Variants in VAMP4 observed in about 807,000 individuals in gnomAD.
VAMP4 encodes the protein vesicle associated membrane protein 4.
VAMP4 carries 19 observed loss-of-function variants against 23.5 expected under a neutral mutation model. That is an observed-to-expected ratio of 0.81 (90% CI 0.56 to 1.19). The LOEUF (loss-of-function observed/expected upper bound fraction) is 1.19. VAMP4 is among the 50% of genes most tolerant of loss of function. VAMP4 has a pLI of 0.00. For missense variants in VAMP4, 145 were observed against 168.6 expected (o/e 0.86, Z 0.78); for synonymous variants, 31 against 51.0 (o/e 0.61, Z 1.67).
chr1:171,733,283 C>G (rs1302731296), intron 2 of VAMP4, among the ~76,000 whole-genome samples: 1 of 124,140 alleles, frequency 8.1e-6, no homozygotes, highest in Admixed American at 8.6e-5. Flanking sequence ...TACGGTGAAA[C>G]CCCATCTCTA....
rs572736532 is a variant in VAMP4, at chr1:171,735,686, T to G, written c.66+2663A>C. 3.9e-5 allele frequency among the ~76,000 whole-genome samples: 6 copies of G among 152,314 alleles called. No homozygotes were observed. The South Asian group carries it at 1.2e-3, about 32-fold the overall frequency. The stretch of plus-strand genomic sequence containing the variant: ...TTCTAACCGATGATTTAAAAAATAT[T>G]TCAGCATGCTTTGTGCACGCTGATC... On this transcript the variant is annotated intron_variant, in intron 2 of 7. Transcript: ENST00000236192.
At chr1:171,706,635 G>A (rs908711142) in intron 6 of VAMP4, among the ~76,000 whole-genome samples, 1 of 152,012 alleles carries the variant, frequency 6.6e-6, no homozygotes, top group Admixed American at 6.6e-5. Flanking sequence ...AGATAAAAAT[G>A]CAAAGAAGAA....
chr1:171,713,422 A>C (rs1654918446), intron 4 of VAMP4, among the ~76,000 whole-genome samples: 1 of 152,146 alleles, frequency 6.6e-6, no homozygotes, highest in Non-Finnish European at 1.5e-5. Flanking sequence ...ATATTAATAT[A>C]TGTATACTAT....
intron 3 of VAMP4, among the ~76,000 whole-genome samples, chr1:171,725,610 C>T (rs1321220051): frequency 1.3e-5 from 2 of 152,112 alleles, no homozygotes; most frequent in Non-Finnish European, 1.5e-5. Context: ...TGACATTCTG[C>T]CAAAAATGAT....
chr1:171,730,188 GTTGTT>G (rs1558113747), intron 2 of VAMP4, among the ~76,000 whole-genome samples: 1 of 152,180 alleles, frequency 6.6e-6, no homozygotes, highest in Non-Finnish European at 1.5e-5. Context: ...ATAAATTTGT[GTTGTT>G]TTAAGTGTGT....
intron 6 of VAMP4, among the ~76,000 whole-genome samples, chr1:171,707,890 C>G (rs1171196452): frequency 6.6e-6 from 1 of 151,992 alleles, no homozygotes; most frequent in Admixed American, 6.6e-5. Flanking sequence ...ACATTATGAC[C>G]ATCTTTTTGT....
chr1:171,708,735 G>A, intron 6 of VAMP4, among the ~76,000 whole-genome samples: 1 of 151,454 alleles, frequency 6.6e-6, no homozygotes. Context: ...AATTAGCTGG[G>A]CATGGTGGCA....
At chr1:171,736,453 G>A (rs150148738) in intron 2 of VAMP4, among the ~76,000 whole-genome samples, 5 of 152,176 alleles carry the variant, frequency 3.3e-5, no homozygotes, top group African/African-American at 1.2e-4. Context: ...GACACTAAGA[G>A]TTTCACCATG....
At chr1:171,716,144 T>C (rs1317664133) in intron 4 of VAMP4, among the ~76,000 whole-genome samples, 3 of 152,214 alleles carry the variant, frequency 2.0e-5, no homozygotes, top group African/African-American at 7.2e-5. Flanking sequence ...ATATTGCTGT[T>C]ACACCATGGA....
chr1:171,720,083 T>G (rs756037346), intron 3 of VAMP4, among the ~76,000 whole-genome samples: 1 of 151,782 alleles, frequency 6.6e-6, no homozygotes, highest in Non-Finnish European at 1.5e-5. Flanking sequence ...TGTGAATATA[T>G]CATCTTGCCT....
At chr1:171,708,835 C>T (rs1427959669) in intron 6 of VAMP4, among the ~76,000 whole-genome samples, 2 of 142,252 alleles carry the variant, frequency 1.4e-5, no homozygotes, top group Non-Finnish European at 3.0e-5. Context: ...TGTGGTGAGC[C>T]GAGATCAGCC....
chr1:171,711,025 T>C (rs1311879228), intron 4 of VAMP4, among the ~76,000 whole-genome samples: 5 of 152,140 alleles, frequency 3.3e-5, no homozygotes, highest in Admixed American at 3.3e-4. Context: ...TAAAGTAATA[T>C]TTAAAGATAG....
At chr1:171,739,040 T>C (rs1303545988) in intron 1 of VAMP4, among the ~76,000 whole-genome samples, 2 of 152,260 alleles carry the variant, frequency 1.3e-5, no homozygotes, top group African/African-American at 2.4e-5. Context: ...CATTTGGTCT[T>C]AATCCCCATT....
chr1:171,710,832 C>T lies in VAMP4; in HGVS notation c.165-18G>A, dbSNP rs374381748. 10 of 1,536,990 alleles carry T rather than the reference C, an allele frequency of 6.5e-6. No individual in the cohort carries two copies. The highest frequency in any genetic ancestry group is 8.9e-6 in the Non-Finnish European group (10 of 1,124,682). On this transcript the variant is annotated intron_variant, in intron 4 of 7. Coordinates refer to ENST00000236192, the MANE Select transcript of VAMP4 (RefSeq NM_003762.5). ...TCTGAACACTAGTTTAAAAAAGATACACAATTATTTATCCTTCTTTTGAGA... is the reference window on the plus strand; with the variant it reads ...TCTGAACACTAGTTTAAAAAAGATATACAATTATTTATCCTTCTTTTGAGA...
chr1:171,714,498 G>A (rs1415435816), intron 4 of VAMP4, among the ~76,000 whole-genome samples: 1 of 152,330 alleles, frequency 6.6e-6, no homozygotes, highest in East Asian at 1.9e-4. Flanking sequence ...ATGGCTAGGT[G>A]TGGTGGCTCA....
Position 171,739,747 on chromosome 1 carries a change from G to T in VAMP4, c.-49-1284C>A, listed in dbSNP as rs79393336. ...GCTTGTGAGGAGAAATCTTTTGGGGGTCTGTGTTGAGAGAGAATAGGAGAA... is the reference window on the plus strand; with the variant it reads ...GCTTGTGAGGAGAAATCTTTTGGGGTTCTGTGTTGAGAGAGAATAGGAGAA... On this transcript the variant is annotated intron_variant, in intron 1 of 7. Coordinates refer to ENST00000236192, the MANE Select transcript of VAMP4 (RefSeq NM_003762.5). Among the ~76,000 whole-genome samples the T allele has an allele frequency of 3.5e-4, 54 of 152,294 alleles. No homozygotes were observed. In the East Asian group the frequency reaches 8.1e-3, roughly 23 times the overall value.
intron 7 of VAMP4, among the ~76,000 whole-genome samples, chr1:171,705,570 G>A (rs374398791): frequency 9.0e-4 from 137 of 152,242 alleles, no homozygotes; most frequent in African/African-American, 3.2e-3. Flanking sequence ...GACTGTGAAA[G>A]CACCATGAGT....
chr1:171,730,431 C>T (rs1558113827), intron 2 of VAMP4, among the ~76,000 whole-genome samples: 2 of 152,028 alleles, frequency 1.3e-5, no homozygotes, highest in Non-Finnish European at 2.9e-5. Flanking sequence ...GAAAAAAATA[C>T]ATATTATATA....
chr1:171,712,834 A>G (rs1477576703), intron 4 of VAMP4, among the ~76,000 whole-genome samples: 1 of 152,224 alleles, frequency 6.6e-6, no homozygotes, highest in East Asian at 1.9e-4. Flanking sequence ...AGGAAATAAC[A>G]TTGAACAAAA....
Sources: gnomAD v4.1 joint callset for allele counts (sites outside exome capture counted in the v4.1 genomes callset) on GRCh38, gnomAD v4.1.1 for gene constraint, MANE v1.5 for transcripts, NCBI Gene and HGNC (gene_info 2026-07-23, HGNC 2026-07-21) for gene names.